Variants in TRIM5 observed in about 807,000 individuals in gnomAD.
TRIM5 encodes tripartite motif-containing protein 5.
A neutral mutation model predicts 35.6 loss-of-function variants in TRIM5; 31 were observed. That is an observed-to-expected ratio of 0.87 (90% CI 0.65 to 1.18). The LOEUF (loss-of-function observed/expected upper bound fraction) is 1.18, where lower values mean the gene tolerates loss of function less well. Among genes scored for constraint, TRIM5 ranks in the 50% most tolerant of loss-of-function variants. The pLI, the probability that TRIM5 is intolerant of heterozygous loss-of-function variation, is 0.00. For missense variants in TRIM5, 609 were observed against 591.6 expected, an observed-to-expected ratio of 1.03 and a Z score of -0.31; for synonymous variants, 243 against 215.6, an observed-to-expected ratio of 1.13 and a Z score of -1.11.
rs570521799 is a variant in TRIM5 at position 5,664,596 on chromosome 11, G to T, written c.*213C>A. On this transcript the variant is annotated 3_prime_UTR_variant, in exon 8 of 8. Transcript: ENST00000380034. ...AGTTTTCCTTAGGAGTACGGAAAAT[G>T]ATGAAAAAAATTGCTATCAAATGTC... is the stretch of plus-strand genomic sequence containing the variant. The T allele has an allele frequency of 3.1e-4, 402 of 1,297,482 alleles. 2 individuals are homozygous for T. In the Middle Eastern group the frequency reaches 3.5e-3, roughly 11 times the overall value. The allele number at this position is 1,297,482 out of a possible 1,614,324, so 80.4% of individuals were successfully genotyped here. A position where few individuals can be genotyped will look rare whatever the true frequency, so the allele number is the denominator to read the frequency against.
the TRIM5 span, among the ~76,000 whole-genome samples, chr11:5,632,088 C>A: frequency 6.6e-6 from 1 of 152,158 alleles, no homozygotes; most frequent in African/African-American, 2.4e-5. Context: ...GTGCAAAAGC[C>A]TTGAGGCATT....
chr11:5,602,443 G>A, the TRIM5 span, among the ~76,000 whole-genome samples: 3 of 151,258 alleles, frequency 2.0e-5, no homozygotes, highest in East Asian at 3.9e-4. Flanking sequence ...ACCCCCTAAT[G>A]AGGTGAATAT....
the TRIM5 span, among the ~76,000 whole-genome samples, chr11:5,628,495 C>T: frequency 3.9e-5 from 6 of 152,304 alleles, no homozygotes; most frequent in East Asian, 1.2e-3. Context: ...GGATGACACT[C>T]GCCAGTCAAC....
At chr11:5,598,277 G>A in the TRIM5 span, among the ~76,000 whole-genome samples, 1 of 152,142 alleles carries the variant, frequency 6.6e-6, no homozygotes, top group Non-Finnish European at 1.5e-5. Flanking sequence ...GTGGGCAAGG[G>A]TCACCTATGC....
the TRIM5 span, chr11:5,589,216 G>A: frequency 6.6e-6 from 1 of 151,764 alleles, no homozygotes; most frequent in Non-Finnish European, 1.5e-5. Flanking sequence ...AGTCACTGTA[G>A]ATGGAATCTT....
the TRIM5 span, chr11:5,610,875 T>C: frequency 5.3e-5 from 86 of 1,614,034 alleles, no homozygotes; most frequent in Non-Finnish European, 6.7e-5. Context: ...ATCTGGACCT[T>C]CCTGTCTGGA....
At chr11:5,671,903 A>T (rs534596928) in intron 4 of TRIM5, among the ~76,000 whole-genome samples, 3 of 152,180 alleles carry the variant, frequency 2.0e-5, no homozygotes, top group South Asian at 4.1e-4. Flanking sequence ...TTAAATAACT[A>T]ATATGAGACC....
downstream of TRIM5, among the ~76,000 whole-genome samples, chr11:5,661,386 CCT>C (rs1850821128): frequency 6.6e-6 from 1 of 152,126 alleles, no homozygotes; most frequent in South Asian, 2.1e-4. Context: ...CTCTTTAGCC[CCT>C]ACGAACTCTC....
At chr11:5,633,731 T>C in the TRIM5 span, 1 of 1,451,020 alleles carries the variant, frequency 6.9e-7, no homozygotes, top group Non-Finnish European at 9.2e-7. Context: ...AACTTGATTT[T>C]TTCCCTGTTT....
the TRIM5 span, chr11:5,610,344 AAGAGGGAGGTCCC>A: frequency 6.3e-7 from 1 of 1,584,374 alleles, no homozygotes; most frequent in Non-Finnish European, 8.6e-7. Context: ...CATAGTGGCA[AAGAGGGAGGTCCC>A]AGAGGGAGGG....
At chr11:5,610,663 C>T in the TRIM5 span, 4 of 1,563,608 alleles carry the variant, frequency 2.6e-6, no homozygotes, top group Non-Finnish European at 3.5e-6. Flanking sequence ...GATGCCTCCC[C>T]CATCCCCGCC....
the TRIM5 span, among the ~76,000 whole-genome samples, chr11:5,657,313 G>A: frequency 6.6e-6 from 1 of 151,450 alleles, no homozygotes; most frequent in South Asian, 2.1e-4. Context: ...GCCTTCGATG[G>A]GTGGGGGACT....
chr11:5,615,654 C>T, the TRIM5 span, among the ~76,000 whole-genome samples: 968 of 151,032 alleles, frequency 6.4e-3, 8 homozygotes, highest in African/African-American at 0.023. Context: ...AGTGCAGTGG[C>T]GTGATCTTGG....
downstream of TRIM5, among the ~76,000 whole-genome samples, chr11:5,659,986 T>C (rs949443133): frequency 6.6e-6 from 1 of 151,264 alleles, no homozygotes; most frequent in African/African-American, 2.4e-5. Flanking sequence ...AAATCATTCT[T>C]TTTTTTTTGA....
chr11:5,676,592 G>GA (rs1207181060), intron 4 of TRIM5, among the ~76,000 whole-genome samples: 1 of 151,436 alleles, frequency 6.6e-6, no homozygotes, highest in Non-Finnish European at 1.5e-5. Context: ...CACAGAATTG[G>GA]AAAAAACTAC....
At chr11:5,622,100 G>C in the TRIM5 span, among the ~76,000 whole-genome samples, 1 of 152,112 alleles carries the variant, frequency 6.6e-6, no homozygotes, top group African/African-American at 2.4e-5. Context: ...AGACATTAAA[G>C]ACATAGCATA....
chr11:5,644,128 G>A, the TRIM5 span: 1 of 400,782 alleles, frequency 2.5e-6, no homozygotes, highest in Non-Finnish European at 4.4e-6. Flanking sequence ...GGATACCCCA[G>A]GTACATCAAG....
At chr11:5,683,474 A>G (rs1590292982) in intron 1 of TRIM5, among the ~76,000 whole-genome samples, 1 of 152,080 alleles carries the variant, frequency 6.6e-6, no homozygotes, top group Middle Eastern at 3.4e-3. Flanking sequence ...GCACCAATCG[A>G]CACTCTATAT....
rs757043585 is a variant in TRIM5 at position 5,680,003 on chromosome 11, G to A, written c.175C>T (p.Arg59Trp). Residue 59 changes from arginine (R) to tryptophan (W), a missense_variant, in exon 2 of 8, where the codon CGG (arginine) becomes TGG (tryptophan). Arg to Trp is a moderately radical substitution (Grantham distance 101, BLOSUM62 -3). Transcript: ENST00000380034. Reference protein sequence around the residue: ...DKGESSCPVCRISYQPENIRP... With the variant: ...DKGESSCPVCWISYQPENIRP... ...ATGTTCTCAGGCTGGTAACTGATCC[G>A]GCACACAGGGCAGCTACTCTCTCCT... 71 of 1,613,902 alleles carry A rather than the reference G, an allele frequency of 4.4e-5. No homozygotes were observed. The East Asian group carries it at 7.6e-4, about 17-fold the overall frequency.
Sources: gnomAD v4.1 joint callset for allele counts (sites outside exome capture counted in the v4.1 genomes callset) on GRCh38, gnomAD v4.1.1 for gene constraint, MANE v1.5 for transcripts, NCBI Gene and HGNC (gene_info 2026-07-23, HGNC 2026-07-21) for gene names.